Variants in RRM1 observed in about 807,000 individuals in gnomAD.
The protein encoded by RRM1 is ribonucleoside-diphosphate reductase large subunit.
A neutral mutation model predicts 101.5 loss-of-function variants in RRM1; 19 were observed. The ratio of observed to expected loss-of-function variants is 0.19; its 90% CI spans 0.13 to 0.27. The LOEUF is 0.27. RRM1 is among the 10% of genes least tolerant of loss of function. The pLI is 1.00. For synonymous variants in RRM1, 298 were observed against 323.4 expected (o/e 0.92, Z 0.84); for missense variants, 500 against 962.9 (o/e 0.52, Z 6.36).
chr11:4,107,587 T>G lies in RRM1; in HGVS notation c.387+52T>G. 2 of 1,126,910 alleles carry G rather than the reference T, an allele frequency of 1.8e-6. 1 individual carries two copies. Among genetic ancestry groups the G allele is most frequent in the South Asian group, 2.6e-5 (2 of 78,242 alleles). The allele number at this position is 1,126,910 out of a possible 1,614,324, so 69.8% of individuals were successfully genotyped here. A position where few individuals can be genotyped will look rare whatever the true frequency, so the allele number is the denominator to read the frequency against. Reference sequence around the variant, plus strand: ...ATTTTTTGAGAGTCTTTTTTAATAATGCACACATTTTAGAAAATTTAAACA... The same window carrying G: ...ATTTTTTGAGAGTCTTTTTTAATAAGGCACACATTTTAGAAAATTTAAACA... On this transcript the variant is annotated intron_variant, in intron 4 of 18. Transcript: ENST00000300738.
chr11:4,133,149 A>G (rs1008105512), intron 16 of RRM1, among the ~76,000 whole-genome samples: 1 of 152,222 alleles, frequency 6.6e-6, no homozygotes, highest in Non-Finnish European at 1.5e-5. Flanking sequence ...TATATATTAT[A>G]TAACGATTAC....
At chr11:4,100,415 G>T (rs931403478) in intron 1 of RRM1, among the ~76,000 whole-genome samples, 4 of 152,128 alleles carry the variant, frequency 2.6e-5, no homozygotes, top group South Asian at 2.1e-4. Context: ...TGGAATATTC[G>T]CATTATACTT....
intron 15 of RRM1, among the ~76,000 whole-genome samples, chr11:4,130,084 ATAT>A (rs1480967340): frequency 2.0e-5 from 2 of 98,020 alleles, no homozygotes; most frequent in African/African-American, 1.1e-4. Flanking sequence ...ATATATATAT[ATAT>A]TTTTTTTTTT....
chr11:4,132,972 A>G lies in RRM1; in HGVS notation c.1905+551A>G, dbSNP rs2094602892. On this transcript the variant is annotated intron_variant, in intron 16 of 18. Coordinates refer to ENST00000300738, the MANE Select transcript of RRM1 (RefSeq NM_001033.5). The surrounding 1 kb of genome is among the most constrained non-coding windows in gnomAD (Gnocchi z 4.1). ...GAAGGATACGTTTCCAATTTTTTTA[A>G]CCTAAGTATTTATAGATTTACCCAT... Among the ~76,000 whole-genome samples, 2 of 152,110 alleles carry G rather than the reference A, an allele frequency of 1.3e-5. No individual in the cohort carries two copies. Among genetic ancestry groups the G allele is most frequent in the South Asian group, 4.1e-4 (2 of 4,824 alleles).
chr11:4,115,266 A>G (rs910824523), intron 7 of RRM1, among the ~76,000 whole-genome samples: 3 of 152,166 alleles, frequency 2.0e-5, no homozygotes, highest in Non-Finnish European at 2.9e-5. Flanking sequence ...CTTTGTAGAG[A>G]TGATAAGGAT....
At chr11:4,130,143 A>T (rs1461172731) in intron 15 of RRM1, among the ~76,000 whole-genome samples, 2 of 124,156 alleles carry the variant, frequency 1.6e-5, no homozygotes, top group Non-Finnish European at 3.3e-5. Context: ...TATATACATG[A>T]CTTTTTTTCT....
intron 7 of RRM1, among the ~76,000 whole-genome samples, chr11:4,115,056 A>G (rs1005082413): frequency 3.3e-5 from 5 of 152,314 alleles, no homozygotes; most frequent in African/African-American, 1.2e-4. Flanking sequence ...ATTAAAGGAC[A>G]TTAAATAATA....
intron 7 of RRM1, among the ~76,000 whole-genome samples, chr11:4,116,721 A>T: frequency 6.6e-6 from 1 of 152,026 alleles, no homozygotes; most frequent in Admixed American, 6.5e-5. Context: ...CTGTAATTCC[A>T]ACACTCTGGG....
intron 1 of RRM1, 35 bp from the exon 2 acceptor site, chr11:4,101,958 A>G (rs2094552101): frequency 9.0e-7 from 1 of 1,109,378 alleles, no homozygotes; most frequent in African/African-American, 1.6e-5. Context: ...TGCTAACATG[A>G]ATTTAATAAT....
chr11:4,108,426 G>T (rs971878126), intron 4 of RRM1, among the ~76,000 whole-genome samples: 3 of 151,742 alleles, frequency 2.0e-5, no homozygotes, highest in African/African-American at 7.3e-5. Context: ...GTGAAACCCC[G>T]TCTCTACTAA....
chr11:4,127,618 T>A (rs2094592004), intron 14 of RRM1, among the ~76,000 whole-genome samples: 1 of 152,164 alleles, frequency 6.6e-6, no homozygotes, highest in African/African-American at 2.4e-5. Flanking sequence ...GGAGGGAGTG[T>A]GGCCCTCCCA....
chr11:4,120,082 C>G lies in RRM1; in HGVS notation c.876+154C>G. The G allele has an allele frequency of 1.6e-5, 9 of 547,138 alleles. No individual in the cohort carries two copies. The South Asian group carries it at 2.0e-4, about 12-fold the overall frequency. 33.9% of individuals were successfully genotyped at this position (547,138 alleles called of 1,614,324 possible). A position where few individuals can be genotyped will look rare whatever the true frequency, so the allele number is the denominator to read the frequency against. ...GTATAATTATTTTAATATGCATATA[C>G]TTTAAATGTACAGTTTGATGGGTTT... On this transcript the variant is annotated intron_variant, in intron 9 of 18. Coordinates refer to ENST00000300738, the MANE Select transcript of RRM1 (RefSeq NM_001033.5).
At position 4,132,587 on chromosome 11, in the gene RRM1, C is replaced by G. The variant is rs2094602296; in HGVS notation, c.1905+166C>G. ...TTATTATTTGTTATTAATATTTCAG[C>G]ACAATAGGCATTTAATAAATAATCT... On this transcript the variant is annotated intron_variant, in intron 16 of 18. Transcript: ENST00000300738. This position sits in a 1 kb window ranked among gnomAD's most constrained non-coding sequence, Gnocchi z 4.1. 6.6e-6 allele frequency among the ~76,000 whole-genome samples: 1 copy of G among 152,128 alleles called. No individual in the cohort carries two copies. The highest frequency in any genetic ancestry group is 1.5e-5 in the Non-Finnish European group (1 of 68,034).
At chr11:4,098,446 T>A in intron 1 of RRM1, among the ~76,000 whole-genome samples, 1 of 40,410 alleles carries the variant, frequency 2.5e-5, no homozygotes, top group South Asian at 1.8e-3. Context: ...TCCTATTCCA[T>A]TCACAGCCTG....
intron 15 of RRM1, among the ~76,000 whole-genome samples, chr11:4,130,078 ATATATATATTTT>A (rs1265665423): frequency 3.1e-5 from 3 of 95,638 alleles, no homozygotes; most frequent in Admixed American, 1.0e-4. Flanking sequence ...ATATATATAT[ATATATATATTTT>A]TTTTTTTTTT....
intron 15 of RRM1, among the ~76,000 whole-genome samples, chr11:4,130,086 A>ATATATATATTTTTT (rs1202870487): frequency 3.0e-5 from 3 of 99,446 alleles, no homozygotes; most frequent in African/African-American, 1.6e-4. Flanking sequence ...ATATATATAT[A>ATATATATATTTTTT]TTTTTTTTTT....
At chr11:4,122,891 A>T (rs1030436086) in intron 11 of RRM1, among the ~76,000 whole-genome samples, 10 of 151,862 alleles carry the variant, frequency 6.6e-5, no homozygotes, top group Non-Finnish European at 1.5e-4. Flanking sequence ...AAAAAGGAAA[A>T]AAATTTAGCA....
Position 4,133,177 on chromosome 11 carries a change from G to C in RRM1, c.1906-386G>C, listed in dbSNP as rs149097357. On this transcript the variant is annotated intron_variant, in intron 16 of 18. Coordinates refer to ENST00000300738, the MANE Select transcript of RRM1 (RefSeq NM_001033.5). ...ACGATTACCACACCACAATGTTTTT[G>C]TTGTCGATACTGTTTTTGAGAAAAT... 2.7e-3 allele frequency among the ~76,000 whole-genome samples: 411 copies of C among 152,136 alleles called. 2 individuals are homozygous for C. Among genetic ancestry groups the C allele is most frequent in the African/African-American group, 9.5e-3 (394 of 41,484 alleles).
chr11:4,128,893 TATGACTACA>T (rs2094594276), intron 14 of RRM1, among the ~76,000 whole-genome samples, 172 bp from the exon 15 acceptor site: 1 of 152,166 alleles, frequency 6.6e-6, no homozygotes, highest in South Asian at 2.1e-4. Context: ...TTCTGATCAA[TATGACTACA>T]TGGAATTTTG....
Sources: allele counts gnomAD v4.1 joint callset (sites outside exome capture counted in the v4.1 genomes callset), GRCh38; gene constraint gnomAD v4.1.1; non-coding constraint Gnocchi (gnomAD v3.1); transcripts MANE v1.5; gene names NCBI Gene and HGNC (gene_info 2026-07-23, HGNC 2026-07-21).